UBE4A: variants seen among roughly 807,000 people sequenced by gnomAD.
The protein encoded by UBE4A is ubiquitin conjugation factor E4 A.
UBE4A carries 48 observed loss-of-function variants against 117.9 expected under a neutral mutation model. That is an observed-to-expected ratio of 0.41 (90% CI 0.32 to 0.52). UBE4A has a LOEUF of 0.52. Among genes scored for constraint, UBE4A ranks in the 20% least tolerant of loss-of-function variants. The pLI is 0.33. For missense variants in UBE4A, 1,067 were observed against 1,296.3 expected, an observed-to-expected ratio of 0.82 and a Z score of 2.72; for synonymous variants, 407 against 450.0, an observed-to-expected ratio of 0.90 and a Z score of 1.21.
intron 13 of UBE4A, among the ~76,000 whole-genome samples, chr11:118,383,076 C>T (rs1555126626): frequency 6.6e-6 from 1 of 152,034 alleles, no homozygotes; most frequent in African/African-American, 2.4e-5. Flanking sequence ...TAACAAACTA[C>T]CAAGTGGTAG....
chr11:118,389,674 GA>G, intron 16 of UBE4A, 50 bp from the exon 17 acceptor site: 1 of 1,479,462 alleles, frequency 6.8e-7, no homozygotes. Context: ...ACCTAATAAG[GA>G]AAAGAGTGCT....
intron 1 of UBE4A, among the ~76,000 whole-genome samples, chr11:118,363,791 G>T (rs59376023): frequency 6.6e-6 from 1 of 151,764 alleles, no homozygotes; most frequent in African/African-American, 2.4e-5. Context: ...GCTAATTTTC[G>T]TGTTTTAGTA....
chr11:118,360,282 T>A (rs78990138), intron 1 of UBE4A, among the ~76,000 whole-genome samples: 1,650 of 152,306 alleles, frequency 0.011, 36 homozygotes, highest in African/African-American at 0.037. Context: ...AGGATCAGTT[T>A]TATGCCCTGA....
rs1555126868 is a variant in UBE4A at position 118,384,702 on chromosome 11, G to A, written c.2265G>A (p.Met755Ile). The change falls in exon 14 of 20, where the codon ATG becomes ATA. Residue 755 changes from methionine (M) to isoleucine (I), a missense_variant. Met to Ile is a conservative substitution (Grantham distance 10). Transcript: ENST00000252108. ...CCATGTATCCTATCCTAAGATACAT[G>A]TGGGGGACAGATACCTATCGGGAGA... is the stretch of plus-strand genomic sequence containing the variant. ...RRPMYPILRY[M>I]WGTDTYRESI... The A allele has an allele frequency of 6.2e-7, 1 of 1,614,120 alleles. No homozygotes were observed. The highest frequency in any genetic ancestry group is 8.5e-7 in the Non-Finnish European group (1 of 1,180,008).
At chr11:118,387,283 T>C (rs1265889749) in intron 16 of UBE4A, among the ~76,000 whole-genome samples, 2 of 152,000 alleles carry the variant, frequency 1.3e-5, no homozygotes, top group Non-Finnish European at 2.9e-5. Context: ...CTCAGAGGGA[T>C]AAGAGAAGAT....
At position 118,376,709 on chromosome 11, in the gene UBE4A, G is replaced by A; in HGVS notation, c.1571+15G>A. 5 of 1,610,480 alleles carry A rather than the reference G, an allele frequency of 3.1e-6. No individual in the cohort carries two copies. The highest frequency in any genetic ancestry group is 4.2e-6 in the Non-Finnish European group (5 of 1,178,776). ...GGATTTCACAGGTAACTCCTCTGATGTCATTAGGAAAAAACAGTTTAGTTG... is the reference window on the plus strand; with the variant it reads ...GGATTTCACAGGTAACTCCTCTGATATCATTAGGAAAAAACAGTTTAGTTG... On this transcript the variant is annotated intron_variant, in intron 10 of 19. Transcript: ENST00000252108.
intron 9 of UBE4A, among the ~76,000 whole-genome samples, chr11:118,375,606 G>T (rs1480841103): frequency 6.6e-6 from 1 of 151,692 alleles, no homozygotes; most frequent in Non-Finnish European, 1.5e-5. Flanking sequence ...TGATCCATCC[G>T]CCTCAGCCTC....
intron 4 of UBE4A, among the ~76,000 whole-genome samples, chr11:118,370,087 G>A (rs1346525315): frequency 4.2e-5 from 6 of 142,058 alleles, no homozygotes; most frequent in South Asian, 2.8e-4. Flanking sequence ...GCAAGACTCC[G>A]TCTCAAAAAA....
chr11:118,380,135 G>A (rs1252336753), intron 11 of UBE4A, among the ~76,000 whole-genome samples: 1 of 9,702 alleles, frequency 1.0e-4, no homozygotes, highest in Non-Finnish European at 2.0e-4. Context: ...GTGTGTGTGC[G>A]TGTGTGTGTG....
chr11:118,386,344 T>A (rs1591305869), intron 15 of UBE4A, 94 bp from the exon 16 acceptor site: 1 of 1,396,512 alleles, frequency 7.2e-7, no homozygotes, highest in Admixed American at 2.7e-5. Context: ...TTTTCCCAGC[T>A]TAGTTGACTG....
At chr11:118,367,606 A>G (rs915872606) in intron 2 of UBE4A, among the ~76,000 whole-genome samples, 2 of 150,648 alleles carry the variant, frequency 1.3e-5, no homozygotes, top group African/African-American at 4.9e-5. Flanking sequence ...GGTTTAAGCA[A>G]TTCTCCTGCC....
In UBE4A at chr11:118,396,501, T is replaced by G; in HGVS notation, c.*61T>G. On this transcript the variant is annotated 3_prime_UTR_variant, in exon 20 of 20. Transcript: ENST00000252108. Reference sequence around the variant, plus strand: ...AGTGCAGATAAACAATTGTTTGTGGTTTCTCTCTTTCTGGTTCTGTTCCTT... The same window carrying G: ...AGTGCAGATAAACAATTGTTTGTGGGTTCTCTCTTTCTGGTTCTGTTCCTT... 5 of 1,554,268 alleles carry G rather than the reference T, an allele frequency of 3.2e-6. No individual in the cohort carries two copies. Among genetic ancestry groups the G allele is most frequent in the Non-Finnish European group, 4.3e-6 (5 of 1,156,628 alleles).
chr11:118,387,526 G>A (rs1948770759), intron 16 of UBE4A, among the ~76,000 whole-genome samples: 2 of 152,078 alleles, frequency 1.3e-5, no homozygotes, highest in South Asian at 4.2e-4. Context: ...TCTCAAAAGC[G>A]AAAAATGGAG....
rs921206432 is a variant in UBE4A at position 118,371,787 on chromosome 11, A to C, written c.561+121A>C. On this transcript the variant is annotated intron_variant, in intron 5 of 19. Coordinates refer to ENST00000252108, the MANE Select transcript of UBE4A (RefSeq NM_001204077.2). Reference sequence around the variant, plus strand: ...TATGTCATAGTATGTCTAGAAGTGAATATCAGGGACACTAAAGCTTTTATA... The same window carrying C: ...TATGTCATAGTATGTCTAGAAGTGACTATCAGGGACACTAAAGCTTTTATA... 3.7e-6 allele frequency: 4 copies of C among 1,073,744 alleles called. No homozygotes were observed. The African/African-American group carries it at 6.3e-5, about 17-fold the overall frequency. The allele number at this position is 1,073,744 out of a possible 1,614,324, so 66.5% of individuals were successfully genotyped here. A position where few individuals can be genotyped will look rare whatever the true frequency, so the allele number is the denominator to read the frequency against.
At chr11:118,371,711 A>G (rs754083491) in intron 5 of UBE4A, 45 bp downstream of exon 5, 18 of 1,560,968 alleles carry the variant, frequency 1.2e-5, no homozygotes, top group African/African-American at 5.4e-5. Flanking sequence ...CCTCTTGGGT[A>G]TGACTTCAGC....
chr11:118,367,226 A>G (rs1395106174), intron 2 of UBE4A, among the ~76,000 whole-genome samples: 1 of 150,546 alleles, frequency 6.6e-6, no homozygotes, highest in Non-Finnish European at 1.5e-5. Context: ...GGATGGGAGC[A>G]GATTTTGAGG....
intron 18 of UBE4A, among the ~76,000 whole-genome samples, chr11:118,391,818 A>G (rs1351448220): frequency 1.3e-5 from 2 of 152,026 alleles, no homozygotes; most frequent in Non-Finnish European, 2.9e-5. Context: ...AAAAAATTTA[A>G]GAAACCTCAA....
At chr11:118,370,599 C>T (rs944368880) in intron 4 of UBE4A, among the ~76,000 whole-genome samples, 4 of 149,586 alleles carry the variant, frequency 2.7e-5, no homozygotes, top group Admixed American at 1.3e-4. Flanking sequence ...CCAGCCTGGG[C>T]GACAGAGCAA....
chr11:118,371,663 A>G lies in UBE4A; in HGVS notation c.558A>G (p.Glu186=), dbSNP rs760034808. 1 of 1,611,592 alleles carries G rather than the reference A, an allele frequency of 6.2e-7. No individual in the cohort carries two copies. Among genetic ancestry groups the G allele is most frequent in the Non-Finnish European group, 8.5e-7 (1 of 1,179,832 alleles). ...YLYSCFQRAK[E]EITKVPENLL... is the part of the protein sequence containing the mutation. Reference sequence around the variant, plus strand: ...ACTCCTGCTTCCAGAGAGCCAAGGAAGAGGTAAAGGAATAATCCCCATTGA... The same window carrying G: ...ACTCCTGCTTCCAGAGAGCCAAGGAGGAGGTAAAGGAATAATCCCCATTGA... The change falls in exon 5 of 20, where the codon GAA becomes GAG. Residue 186 remains glutamate, a synonymous_variant. Transcript: ENST00000252108.
Sources: gnomAD v4.1 joint callset for allele counts (sites outside exome capture counted in the v4.1 genomes callset) on GRCh38, gnomAD v4.1.1 for gene constraint, MANE v1.5 for transcripts, NCBI Gene and HGNC (gene_info 2026-07-23, HGNC 2026-07-21) for gene names.